C3orf33: variants seen among roughly 807,000 people sequenced by gnomAD.
C3orf33 encodes mitochondrial inner membrane subdomain organizer 1, also known as AP-1 activity suppressor.
Under a neutral mutation model 28.7 loss-of-function variants are expected in C3orf33, and 23 were observed. The observed-to-expected ratio is 0.80, with a 90% confidence interval of 0.58 to 1.13. The LOEUF is 1.13. Among genes scored for constraint, C3orf33 ranks in the 50% most tolerant of loss-of-function variants. The pLI, the probability that C3orf33 is intolerant of heterozygous loss-of-function variation, is 0.00. For synonymous variants in C3orf33, 119 were observed against 120.5 expected (o/e 0.99, Z 0.08); for missense variants, 327 against 353.4 (o/e 0.93, Z 0.60).
In C3orf33 at chr3:155,762,866, T is replaced by C. The variant is rs1358353007; in HGVS notation, c.*651A>G. On this transcript the variant is annotated 3_prime_UTR_variant, in exon 5 of 5. Transcript: ENST00000340171. Reference sequence around the variant, plus strand: ...CCTGGGTGACAAGAGCGAAACTCCATGTCAAAACAAAAAAAGCCGGGCTTG... The same window carrying C: ...CCTGGGTGACAAGAGCGAAACTCCACGTCAAAACAAAAAAAGCCGGGCTTG... 1.3e-5 allele frequency: 2 copies of C among 151,720 alleles called. No homozygotes were observed. Among genetic ancestry groups the C allele is most frequent in the African/African-American group, 4.8e-5 (2 of 41,264 alleles). 9.4% of individuals were successfully genotyped at this position (151,720 alleles called of 1,614,324 possible). A position where few individuals can be genotyped will look rare whatever the true frequency, so the allele number is the denominator to read the frequency against.
intron 4 of C3orf33, among the ~76,000 whole-genome samples, chr3:155,764,780 C>G (rs1042032073): frequency 2.0e-5 from 3 of 151,634 alleles, no homozygotes; most frequent in Non-Finnish European, 4.4e-5. Context: ...TGCTTGAACC[C>G]AGGAGGCAGA....
chr3:155,799,043 C>T (rs571761795), intron 2 of C3orf33, among the ~76,000 whole-genome samples: 127 of 152,168 alleles, frequency 8.3e-4, no homozygotes, highest in Non-Finnish European at 1.4e-3. Flanking sequence ...CACTGATCAT[C>T]AGAGAAATGC....
At chr3:155,764,984 AAC>A (rs762573798) in intron 4 of C3orf33, among the ~76,000 whole-genome samples, 4 of 152,224 alleles carry the variant, frequency 2.6e-5, no homozygotes, top group Non-Finnish European at 4.4e-5. Context: ...AGTACATGAT[AAC>A]AGTTATAAAG....
chr3:155,802,503 T>G, intron 2 of C3orf33, 29 bp downstream of exon 2: 3 of 1,555,516 alleles, frequency 1.9e-6, no homozygotes, highest in Non-Finnish European at 8.8e-7. Flanking sequence ...TACGGCTTGT[T>G]GTAATGTCTT....
intron 3 of C3orf33, among the ~76,000 whole-genome samples, chr3:155,771,169 G>T (rs1750580621): frequency 6.6e-6 from 1 of 151,768 alleles, no homozygotes; most frequent in Non-Finnish European, 1.5e-5. Flanking sequence ...GCAGTGGCAT[G>T]ATCATGGCTC....
chr3:155,787,096 G>A lies in C3orf33; in HGVS notation c.175-11248C>T, dbSNP rs545411228. ...CAGTCTATGAGGCCAGCATTACCCTGATACCAAAGCCAGACAAAGACACTG... is the reference window on the plus strand; with the variant it reads ...CAGTCTATGAGGCCAGCATTACCCTAATACCAAAGCCAGACAAAGACACTG... On this transcript the variant is annotated intron_variant, in intron 2 of 4. Coordinates refer to ENST00000340171, the MANE Select transcript of C3orf33 (RefSeq NM_001308229.2). Among the ~76,000 whole-genome samples, 110 of 152,242 alleles carry A rather than the reference G, an allele frequency of 7.2e-4. No homozygotes were observed. The Middle Eastern group carries it at 0.017, about 24-fold the overall frequency.
chr3:155,791,714 G>T (rs1182692161), intron 2 of C3orf33, among the ~76,000 whole-genome samples: 8 of 151,920 alleles, frequency 5.3e-5, no homozygotes, highest in Non-Finnish European at 8.8e-5. Context: ...GCCTGGGATG[G>T]TGGTGGCCCC....
chr3:155,782,294 G>T (rs916855682), intron 2 of C3orf33, among the ~76,000 whole-genome samples: 2 of 150,974 alleles, frequency 1.3e-5, no homozygotes, highest in African/African-American at 4.9e-5. Context: ...TGCACTAGAG[G>T]AGTCCCAGAA....
chr3:155,770,549 T>C lies in C3orf33; in HGVS notation c.323-2880A>G, dbSNP rs532280217. 3.3e-5 allele frequency among the ~76,000 whole-genome samples: 5 copies of C among 152,344 alleles called. No individual in the cohort carries two copies. The East Asian group carries it at 9.6e-4, about 29-fold the overall frequency. On this transcript the variant is annotated intron_variant, in intron 3 of 4. Transcript: ENST00000340171. The stretch of plus-strand genomic sequence containing the variant: ...CTAATTATTTACTTGACAAAGGTCA[T>C]TGCATTCCTTTAAATTAGCAAATTC...
intron 2 of C3orf33, among the ~76,000 whole-genome samples, chr3:155,800,079 T>G (rs1396048370): frequency 6.6e-6 from 1 of 152,190 alleles, no homozygotes; most frequent in Non-Finnish European, 1.5e-5. Flanking sequence ...ATAATTGGAT[T>G]GTTTGCAACA....
chr3:155,802,687 C>G lies in C3orf33; in HGVS notation c.115-96G>C. 4 of 885,180 alleles carry G rather than the reference C, an allele frequency of 4.5e-6. No homozygotes were observed. The South Asian group carries it at 6.0e-5, about 13-fold the overall frequency. 54.8% of individuals were successfully genotyped at this position (885,180 alleles called of 1,614,324 possible). On this transcript the variant is annotated intron_variant, in intron 1 of 4. Coordinates refer to ENST00000340171, the MANE Select transcript of C3orf33 (RefSeq NM_001308229.2). Reference sequence around the variant, plus strand: ...GTAGAAAAAAAGAAGACTGTCCTCTCTATATCTAATGTGTATAAACAATGT... The same window carrying G: ...GTAGAAAAAAAGAAGACTGTCCTCTGTATATCTAATGTGTATAAACAATGT...
intron 2 of C3orf33, among the ~76,000 whole-genome samples, chr3:155,782,755 A>G (rs1464329320): frequency 6.6e-6 from 1 of 152,218 alleles, no homozygotes; most frequent in Non-Finnish European, 1.5e-5. Context: ...AACTAGTGCT[A>G]CAGGTTGCAA....
At chr3:155,777,083 C>T (rs1347169326) in intron 2 of C3orf33, among the ~76,000 whole-genome samples, 5 of 151,782 alleles carry the variant, frequency 3.3e-5, no homozygotes, top group Non-Finnish European at 5.9e-5. Flanking sequence ...TTTTGGAGGC[C>T]GAGGCGGGAG....
rs1210671395 is a variant in C3orf33 at position 155,763,909 on chromosome 3, A to G, written c.493T>C (p.Phe165Leu). ...ATTTCTTCATTCAGATTCACGCTGA[A>G]ATATCCACCCTTGAATTTAAAAATA... Reference protein sequence around the residue: ...CYLLVSKGGYFSVNLNEEILR... With the variant: ...CYLLVSKGGYLSVNLNEEILR... Residue 165 changes from phenylalanine (F) to leucine (L), a missense_variant, in exon 5 of 5, where the codon TTC becomes CTC. Phe to Leu is a conservative substitution (Grantham distance 22, BLOSUM62 0). Coordinates refer to ENST00000340171, the MANE Select transcript of C3orf33 (RefSeq NM_001308229.2). The G allele has an allele frequency of 1.9e-5, 27 of 1,449,468 alleles. No individual in the cohort carries two copies. Among genetic ancestry groups the G allele is most frequent in the Admixed American group, 3.0e-5 (1 of 32,850 alleles). The allele number at this position is 1,449,468 out of a possible 1,614,324, so 89.8% of individuals were successfully genotyped here.
chr3:155,804,260 A>G (rs1751752528), intron 1 of C3orf33: 3 of 351,900 alleles, frequency 8.5e-6, no homozygotes, highest in Non-Finnish European at 1.6e-5. Context: ...TTGTAATATT[A>G]TAACTATGTT....
chr3:155,802,542 C>T lies in C3orf33; in HGVS notation c.164G>A (p.Ser55Asn). ...AIAGIMLLLR[S>N]IRLTSKFTSS... ...CATTTTTTAACTTACCAGTCGAATGCTTCTCAAAAGTAACATTATTCCAGC... is the reference window on the plus strand; with the variant it reads ...CATTTTTTAACTTACCAGTCGAATGTTTCTCAAAAGTAACATTATTCCAGC... The change falls in exon 2 of 5, where the codon AGC becomes AAC. Residue 55 changes from serine (S) to asparagine (N), a missense_variant. Coordinates refer to ENST00000340171, the MANE Select transcript of C3orf33 (RefSeq NM_001308229.2). The T allele has an allele frequency of 6.2e-7, 1 of 1,601,826 alleles. No homozygotes were observed. The highest frequency in any genetic ancestry group is 8.5e-7 in the Non-Finnish European group (1 of 1,176,266).
At chr3:155,790,971 T>G (rs528486425) in intron 2 of C3orf33, among the ~76,000 whole-genome samples, 16 of 152,296 alleles carry the variant, frequency 1.1e-4, no homozygotes, top group Non-Finnish European at 2.2e-4. Flanking sequence ...CATGACCCAG[T>G]GAGACATCAA....
chr3:155,801,958 G>A (rs1176196090), intron 2 of C3orf33, among the ~76,000 whole-genome samples: 1 of 152,068 alleles, frequency 6.6e-6, no homozygotes, highest in East Asian at 1.9e-4. Context: ...CATCATGTTG[G>A]CCAGGCTGGT....
In C3orf33 at chr3:155,775,600, G is replaced by A. The variant is rs1054319233; in HGVS notation, c.322+101C>T. 2.9e-5 allele frequency: 22 copies of A among 748,204 alleles called. No individual in the cohort carries two copies. The African/African-American group carries it at 3.1e-4, about 11-fold the overall frequency. 46.3% of individuals were successfully genotyped at this position (748,204 alleles called of 1,614,324 possible). A position where few individuals can be genotyped will look rare whatever the true frequency, so the allele number is the denominator to read the frequency against. ...GAGACTTTCTCATGGACAATGGAGAGTTATTAGGAATTAAAATGACTTTTT... is the reference window on the plus strand; with the variant it reads ...GAGACTTTCTCATGGACAATGGAGAATTATTAGGAATTAAAATGACTTTTT... On this transcript the variant is annotated intron_variant, in intron 3 of 4. Transcript: ENST00000340171.
Sources: allele counts gnomAD v4.1 joint callset (sites outside exome capture counted in the v4.1 genomes callset), GRCh38; gene constraint gnomAD v4.1.1; transcripts MANE v1.5; gene names NCBI Gene and HGNC (gene_info 2026-07-23, HGNC 2026-07-21).